The following FOCAD variants were observed in gnomAD, a reference collection of about 807,000 sequenced individuals.
FOCAD encodes focadhesin.
Under a neutral mutation model 225.6 loss-of-function variants are expected in FOCAD, and 198 were observed. The ratio of observed to expected loss-of-function variants is 0.88; its 90% confidence interval spans 0.78 to 0.99. The LOEUF is 0.99. FOCAD is among the 50% of genes least tolerant of loss of function. FOCAD has a pLI of 0.00. For synonymous variants in FOCAD, 897 were observed against 755.0 expected (o/e 1.19, Z -3.08); for missense variants, 2,713 against 2,123.6 (o/e 1.28, Z -5.46).
At chr9:20,730,008 G>A (rs1192552295) in intron 4 of FOCAD, among the ~76,000 whole-genome samples, 1 of 152,114 alleles carries the variant, frequency 6.6e-6, no homozygotes. Context: ...TTTTCTAGGG[G>A]AAGAGGGTTA....
intron 1 of FOCAD, among the ~76,000 whole-genome samples, chr9:20,704,754 C>T (rs1824242833): frequency 6.6e-6 from 1 of 152,146 alleles, no homozygotes; most frequent in Non-Finnish European, 1.5e-5. Flanking sequence ...TTATGACACC[C>T]TTTAGTGATG....
chr9:20,871,489 G>A (rs570208544), intron 18 of FOCAD, among the ~76,000 whole-genome samples: 5 of 151,602 alleles, frequency 3.3e-5, no homozygotes, highest in African/African-American at 4.8e-5. Context: ...AGTTTTACTC[G>A]CATTGACCTT....
intron 15 of FOCAD, 125 bp from the exon 16 acceptor site, chr9:20,862,453 T>C (rs1828856502): frequency 2.8e-6 from 3 of 1,068,200 alleles, no homozygotes; most frequent in African/African-American, 1.6e-5. Context: ...TATTAAGTCC[T>C]ATCTTCTAGG....
At chr9:20,764,728 A>T (rs1432908629) in intron 6 of FOCAD, 141 bp from the exon 7 acceptor site, 1 of 687,708 alleles carries the variant, frequency 1.5e-6, no homozygotes, top group Non-Finnish European at 2.5e-6. Flanking sequence ...TCATAGCGGA[A>T]TAGAAGAATC....
chr9:20,661,071 A>G (rs1411280967), intron 2 of FOCAD, among the ~76,000 whole-genome samples: 2 of 152,202 alleles, frequency 1.3e-5, no homozygotes, highest in African/African-American at 2.4e-5. Context: ...GAGAAGTAGA[A>G]TTAAGAGCAC....
intron 35 of FOCAD, among the ~76,000 whole-genome samples, chr9:20,955,690 T>G (rs959906735): frequency 6.6e-6 from 1 of 152,126 alleles, no homozygotes; most frequent in African/African-American, 2.4e-5. Flanking sequence ...ATCATCTAAT[T>G]CCTCCTAACA....
chr9:20,778,340 G>A (rs1236909133), intron 8 of FOCAD, among the ~76,000 whole-genome samples: 1 of 151,892 alleles, frequency 6.6e-6, no homozygotes, highest in Non-Finnish European at 1.5e-5. Flanking sequence ...CACCTCCTGG[G>A]TCAAGCAATT....
chr9:20,701,841 G>T (rs1029209851), intron 1 of FOCAD, among the ~76,000 whole-genome samples: 5 of 152,168 alleles, frequency 3.3e-5, no homozygotes, highest in African/African-American at 1.2e-4. Context: ...TATATACAAA[G>T]ATACAAAGCT....
intron 11 of FOCAD, among the ~76,000 whole-genome samples, chr9:20,819,323 C>T (rs1315297156): frequency 6.6e-6 from 1 of 152,088 alleles, no homozygotes; most frequent in Admixed American, 6.6e-5. Flanking sequence ...AAGTGATCCT[C>T]CCACCTTACC....
intron 24 of FOCAD, among the ~76,000 whole-genome samples, chr9:20,920,506 A>G (rs1372341588): frequency 1.6e-5 from 2 of 126,216 alleles, no homozygotes; most frequent in African/African-American, 6.1e-5. Flanking sequence ...ATAAAGACAC[A>G]TGCACACGTA....
At chr9:20,794,020 C>A (rs1820811053) in intron 11 of FOCAD, among the ~76,000 whole-genome samples, 1 of 152,144 alleles carries the variant, frequency 6.6e-6, no homozygotes, top group Non-Finnish European at 1.5e-5. Context: ...ACAGTCAGCC[C>A]TTCAAATCAA....
intron 2 of FOCAD, among the ~76,000 whole-genome samples, chr9:20,660,390 G>A (rs189537993): frequency 6.6e-6 from 1 of 152,284 alleles, no homozygotes; most frequent in Admixed American, 6.5e-5. Context: ...AGGAAGTGTA[G>A]AGTCAGGCTA....
At chr9:20,960,089 G>T (rs1838561908) in intron 35 of FOCAD, among the ~76,000 whole-genome samples, 1 of 152,122 alleles carries the variant, frequency 6.6e-6, no homozygotes, top group South Asian at 2.1e-4. Context: ...CATCTAGAAT[G>T]TTGCTCTGCA....
At chr9:20,939,876 G>A (rs1040912329) in intron 28 of FOCAD, among the ~76,000 whole-genome samples, 2 of 150,882 alleles carry the variant, frequency 1.3e-5, no homozygotes, top group South Asian at 2.1e-4. Flanking sequence ...TACATTAGGC[G>A]TATCTCCTAA....
chr9:20,888,133 T>C (rs543510790), intron 21 of FOCAD, among the ~76,000 whole-genome samples: 50 of 147,272 alleles, frequency 3.4e-4, no homozygotes, highest in South Asian at 2.3e-3. Flanking sequence ...TTTTTTTTTT[T>C]TTCTTCTTTT....
chr9:20,842,014 G>T (rs1019635741), intron 15 of FOCAD, among the ~76,000 whole-genome samples: 15 of 151,732 alleles, frequency 9.9e-5, no homozygotes, highest in Non-Finnish European at 1.9e-4. Context: ...TGACCCCACT[G>T]GTCATTTACG....
At chr9:20,735,843 T>A (rs200582028) in intron 4 of FOCAD, among the ~76,000 whole-genome samples, 115 of 148,476 alleles carry the variant, frequency 7.7e-4, no homozygotes, top group African/African-American at 2.6e-3. Context: ...GTTTTATCTT[T>A]AAAAAAAAAA....
At chr9:20,935,455 C>T (rs1456104493) in intron 28 of FOCAD, among the ~76,000 whole-genome samples, 1 of 152,174 alleles carries the variant, frequency 6.6e-6, no homozygotes, top group African/African-American at 2.4e-5. Flanking sequence ...GGCTGGAGTG[C>T]AATGGTGGAA....
intron 35 of FOCAD, among the ~76,000 whole-genome samples, chr9:20,968,283 C>A (rs768790712): frequency 7.2e-5 from 11 of 151,972 alleles, no homozygotes; most frequent in Non-Finnish European, 1.5e-4. Context: ...TTTATTTCTG[C>A]AAGGTCCATA....
Sources: gnomAD v4.1 joint callset for allele counts (sites outside exome capture counted in the v4.1 genomes callset) on GRCh38, gnomAD v4.1.1 for gene constraint, MANE v1.5 for transcripts, NCBI Gene and HGNC (gene_info 2026-07-23, HGNC 2026-07-21) for gene names.